Variants in PUM2 observed in about 807,000 individuals in gnomAD.
PUM2 encodes pumilio homolog 2.
A neutral mutation model predicts 124.5 loss-of-function variants in PUM2; 57 were observed. That is an observed-to-expected ratio of 0.46 (90% CI 0.37 to 0.57). The LOEUF (loss-of-function observed/expected upper bound fraction) is 0.57. PUM2 is among the 20% of genes least tolerant of loss of function. The probability of loss-of-function intolerance (pLI) is 0.00; values close to 1 mark genes in which losing one functional copy is unlikely to be tolerated. For missense variants in PUM2, 1,065 were observed against 1,290.6 expected (o/e 0.83, Z 2.68); for synonymous variants, 460 against 446.1 (o/e 1.03, Z -0.39).
At chr2:20,307,862 G>T in intron 7 of PUM2, 116 bp downstream of exon 7, 1 of 1,338,026 alleles carries the variant, frequency 7.5e-7, no homozygotes, top group Non-Finnish European at 1.0e-6. Context: ...CCTATTACTT[G>T]TTGATCTCAG....
At chr2:20,319,242 T>C (rs1176812116) in intron 2 of PUM2, among the ~76,000 whole-genome samples, 2 of 152,346 alleles carry the variant, frequency 1.3e-5, no homozygotes, top group East Asian at 3.9e-4. Flanking sequence ...AAAATTGTGT[T>C]GATACAATCA....
chr2:20,249,856 C>T lies in PUM2; in HGVS notation c.*1729G>A, dbSNP rs900139582. 1 of 152,530 alleles carries T rather than the reference C, an allele frequency of 6.6e-6. No individual in the cohort carries two copies. Among genetic ancestry groups the T allele is most frequent in the African/African-American group, 2.4e-5 (1 of 41,430 alleles). 9.4% of individuals were successfully genotyped at this position (152,530 alleles called of 1,614,324 possible). On this transcript the variant is annotated 3_prime_UTR_variant, in exon 21 of 21. Transcript: ENST00000361078. ...AGCAAGTTTTTTTCCAAAATATTTT[C>T]ATAGGCAAAGGATTAAAAACGATTT...
intron 1 of PUM2, among the ~76,000 whole-genome samples, chr2:20,341,657 C>T (rs1173876384): frequency 1.3e-5 from 2 of 152,138 alleles, no homozygotes; most frequent in African/African-American, 4.8e-5. Flanking sequence ...AGCTTAACTG[C>T]ATTACAGTTT....
In PUM2 at chr2:20,308,567, C is replaced by A; in HGVS notation, c.536G>T (p.Arg179Leu). 1 of 1,612,296 alleles carries A rather than the reference C, an allele frequency of 6.2e-7. No homozygotes were observed. The highest frequency in any genetic ancestry group is 1.1e-5 in the South Asian group (1 of 90,906). Residue 179 changes from arginine to leucine, a missense_variant, in exon 6 of 21, where the codon CGT (arginine) becomes CTT (leucine). Arg to Leu is a moderately radical substitution (Grantham distance 102). Transcript: ENST00000361078. The part of the protein sequence containing the change: ...CKDFNRTPGS[R>L]QASPTEVVER... ...AACTACTTCAGTTGGAGAGGCTTGA[C>A]GACTTCCAGGAGTACGACTACATAA...
chr2:20,333,271 T>C (rs1685290838), intron 1 of PUM2, among the ~76,000 whole-genome samples: 1 of 152,088 alleles, frequency 6.6e-6, no homozygotes, highest in Non-Finnish European at 1.5e-5. Context: ...CAGTGGCTCA[T>C]GCCTGTAATC....
In PUM2 at chr2:20,251,506, G is replaced by A; in HGVS notation, c.*79C>T. On this transcript the variant is annotated 3_prime_UTR_variant, in exon 21 of 21. Coordinates refer to ENST00000361078, the MANE Select transcript of PUM2 (RefSeq NM_015317.5). ...AAAAAAAAATTGAAGATTCATAGTT[G>A]AGTTGTGTTTTGATAATTCACACAC... 7.0e-7 allele frequency: 1 copy of A among 1,429,648 alleles called. No individual in the cohort carries two copies. The highest frequency in any genetic ancestry group is 9.4e-7 in the Non-Finnish European group (1 of 1,059,316). 88.6% of individuals were successfully genotyped at this position (1,429,648 alleles called of 1,614,324 possible). A position where few individuals can be genotyped will look rare whatever the true frequency, so the allele number is the denominator to read the frequency against.
intron 2 of PUM2, among the ~76,000 whole-genome samples, chr2:20,323,399 G>T (rs941359864): frequency 6.9e-6 from 1 of 144,506 alleles, no homozygotes; most frequent in African/African-American, 2.6e-5. Flanking sequence ...AGTGAGCCAA[G>T]ATTGCGCCAC....
chr2:20,350,515 C>A, intron 1 of PUM2, 82 bp downstream of exon 1: 1 of 985,692 alleles, frequency 1.0e-6, no homozygotes, highest in South Asian at 4.7e-5. Flanking sequence ...TCGGCTCCCG[C>A]CGAGGCCGCC....
chr2:20,342,214 G>T (rs1355627373), intron 1 of PUM2, among the ~76,000 whole-genome samples: 2 of 151,998 alleles, frequency 1.3e-5, no homozygotes, highest in African/African-American at 4.8e-5. Context: ...CATGGTCTGA[G>T]ACAACTGGAG....
At chr2:20,274,973 A>AAAAAAAAAAAAAAAAAAAAAAAAG (rs1483862096) in intron 13 of PUM2, among the ~76,000 whole-genome samples, 1 of 147,682 alleles carries the variant, frequency 6.8e-6, no homozygotes, top group African/African-American at 2.5e-5. Context: ...AAAAAAAAAA[A>AAAAAAAAAAAAAAAAAAAAAAAAG]AGATGCTTAC....
intron 1 of PUM2, chr2:20,332,904 T>C (rs1159929582): frequency 1.3e-5 from 2 of 152,204 alleles, no homozygotes; most frequent in African/African-American, 4.8e-5. Flanking sequence ...CAATTTTTTT[T>C]GTCTGCATTA....
intron 5 of PUM2, 147 bp from the exon 6 acceptor site, chr2:20,308,731 T>C: frequency 2.7e-6 from 2 of 734,674 alleles, no homozygotes; most frequent in South Asian, 4.3e-5. Flanking sequence ...ATCACATTTT[T>C]TTCTATTTAA....
intron 9 of PUM2, 83 bp downstream of exon 9, chr2:20,294,290 TAAG>T: frequency 6.7e-7 from 1 of 1,481,744 alleles, no homozygotes; most frequent in Non-Finnish European, 9.2e-7. Context: ...TGAGGAAACG[TAAG>T]TCGAAAAACA....
chr2:20,262,909 G>GT (rs1433817994), intron 14 of PUM2, among the ~76,000 whole-genome samples: 2 of 152,116 alleles, frequency 1.3e-5, no homozygotes, highest in African/African-American at 2.4e-5. Context: ...GCCCACAAAT[G>GT]TAATACAGAG....
At chr2:20,323,239 G>A (rs931784593) in intron 2 of PUM2, among the ~76,000 whole-genome samples, 12 of 152,076 alleles carry the variant, frequency 7.9e-5, no homozygotes, top group African/African-American at 2.9e-4. Flanking sequence ...ACGAGGTCAG[G>A]AAATTGAGAT....
At chr2:20,329,257 A>G (rs974214893) in intron 1 of PUM2, among the ~76,000 whole-genome samples, 6 of 151,306 alleles carry the variant, frequency 4.0e-5, no homozygotes, top group Non-Finnish European at 7.4e-5. Context: ...GGTAAAAACA[A>G]TGTCTCTACA....
At position 20,294,806 on chromosome 2, in the gene PUM2, A is replaced by G. The variant is rs17623996; in HGVS notation, c.1010-288T>C. On this transcript the variant is annotated intron_variant, in intron 8 of 20. Transcript: ENST00000361078. ...CCAATTTTTGGGTCTGACACTATAC[A>G]GATAATATATTCAGGGAACACAGAT... Among the ~76,000 whole-genome samples the G allele has an allele frequency of 8.0e-3, 1,225 of 152,332 alleles. 7 individuals are homozygous for G. Among genetic ancestry groups the G allele is most frequent in the Non-Finnish European group, 0.011 (758 of 68,024 alleles).
chr2:20,346,162 C>T (rs1688205502), intron 1 of PUM2, among the ~76,000 whole-genome samples: 1 of 152,150 alleles, frequency 6.6e-6, no homozygotes, highest in African/African-American at 2.4e-5. Flanking sequence ...ATAGGCAAAA[C>T]CTGGAGCCAC....
At chr2:20,348,010 CTA>C in intron 1 of PUM2, among the ~76,000 whole-genome samples, 1 of 152,216 alleles carries the variant, frequency 6.6e-6, no homozygotes, top group East Asian at 1.9e-4. Flanking sequence ...ACAAGTCAGA[CTA>C]TTTTAATGCA....
Sources: gnomAD v4.1 joint callset for allele counts (sites outside exome capture counted in the v4.1 genomes callset) on GRCh38, gnomAD v4.1.1 for gene constraint, MANE v1.5 for transcripts, NCBI Gene and HGNC (gene_info 2026-07-23, HGNC 2026-07-21) for gene names.